Variants in ADAP2 observed in about 807,000 individuals in gnomAD.
The protein encoded by ADAP2 is arf-GAP with dual PH domain-containing protein 2.
Under a neutral mutation model 54.9 loss-of-function variants are expected in ADAP2, and 42 were observed. That is an observed-to-expected ratio of 0.77 (90% CI 0.60 to 0.99). The LOEUF (loss-of-function observed/expected upper bound fraction) is 0.99, where lower values mean the gene tolerates loss of function less well. Among genes scored for constraint, ADAP2 ranks in the 50% least tolerant of loss-of-function variants. ADAP2 has a pLI of 0.00. For missense variants in ADAP2, 429 were observed against 480.4 expected, an observed-to-expected ratio of 0.89 and a Z score of 1.00; for synonymous variants, 177 against 180.1, an observed-to-expected ratio of 0.98 and a Z score of 0.14.
intron 3 of ADAP2, among the ~76,000 whole-genome samples, chr17:30,928,941 C>A (rs1911281179): frequency 1.3e-5 from 2 of 152,176 alleles, no homozygotes; most frequent in Admixed American, 1.3e-4. Context: ...GTATGTCTGG[C>A]AAACAGAAAG....
At chr17:30,948,599 C>T (rs1904349579) in intron 6 of ADAP2, among the ~76,000 whole-genome samples, 1 of 152,046 alleles carries the variant, frequency 6.6e-6, no homozygotes, top group South Asian at 2.1e-4. Context: ...GAAAATCACT[C>T]AGGCTGCCAT....
At chr17:30,953,511 G>C (rs1254130933) in intron 8 of ADAP2, among the ~76,000 whole-genome samples, 161 bp downstream of exon 8, 1 of 152,172 alleles carries the variant, frequency 6.6e-6, no homozygotes, top group Non-Finnish European at 1.5e-5. Context: ...GGCTTGGAAT[G>C]ATGCCCAACA....
chr17:30,923,663 C>T (rs1310564940), intron 2 of ADAP2, among the ~76,000 whole-genome samples: 1 of 150,582 alleles, frequency 6.6e-6, no homozygotes, highest in African/African-American at 2.4e-5. Context: ...TCAAGGGATA[C>T]CACCACCATT....
intron 1 of ADAP2, 111 bp from the exon 2 acceptor site, chr17:30,922,829 T>G (rs1910737003): frequency 4.7e-6 from 6 of 1,280,666 alleles, no homozygotes; most frequent in Non-Finnish European, 6.5e-6. Context: ...GGCCGCTTAG[T>G]TCGCCTTAGG....
At chr17:30,922,210 G>C in intron 1 of ADAP2, 102 bp downstream of exon 1, 8 of 884,370 alleles carry the variant, frequency 9.0e-6, no homozygotes, top group Non-Finnish European at 1.2e-5. Flanking sequence ...CGGCCCCCTG[G>C]ACCCAGACGT....
intron 3 of ADAP2, among the ~76,000 whole-genome samples, chr17:30,930,160 C>A (rs1249631803): frequency 6.6e-6 from 1 of 151,994 alleles, no homozygotes; most frequent in African/African-American, 2.4e-5. Context: ...CAACCTCCAC[C>A]TCCTGGGTTC....
In ADAP2 at chr17:30,958,312, T is replaced by G. The variant is rs894063224; in HGVS notation, c.*443T>G. ...TCTGCTAAACATCTGACCCAGACTC[T>G]TCAAAAATGAAGAGTGAAAGATAAA... is the stretch of plus-strand genomic sequence containing the variant. On this transcript the variant is annotated 3_prime_UTR_variant, in exon 11 of 11. Transcript: ENST00000330889. The G allele has an allele frequency of 3.8e-5, 6 of 159,224 alleles. No individual in the cohort carries two copies. The South Asian group carries it at 8.7e-4, about 23-fold the overall frequency. 9.9% of individuals were successfully genotyped at this position (159,224 alleles called of 1,614,324 possible).
intron 6 of ADAP2, among the ~76,000 whole-genome samples, chr17:30,945,795 A>C (rs1912623408): frequency 6.7e-6 from 1 of 150,324 alleles, no homozygotes; most frequent in Non-Finnish European, 1.5e-5. Flanking sequence ...GAAAGAAAGA[A>C]AGAAAAATAG....
At position 30,958,049 on chromosome 17, in the gene ADAP2, A is replaced by G. The variant is rs1192254181; in HGVS notation, c.*180A>G. ...ATCAGCTCCCTGGGCCTTCCCCGCA[A>G]CCCACCTCGGGGATCTGAGGATCTG... On this transcript the variant is annotated 3_prime_UTR_variant, in exon 11 of 11. Transcript: ENST00000330889. The G allele has an allele frequency of 1.6e-6, 1 of 634,474 alleles. No individual in the cohort carries two copies. The highest frequency in any genetic ancestry group is 1.8e-5 in the African/African-American group (1 of 55,024). 39.3% of individuals were successfully genotyped at this position (634,474 alleles called of 1,614,324 possible). A position where few individuals can be genotyped will look rare whatever the true frequency, so the allele number is the denominator to read the frequency against.
At chr17:30,932,342 C>A (rs1265274444) in intron 4 of ADAP2, among the ~76,000 whole-genome samples, 1 of 151,588 alleles carries the variant, frequency 6.6e-6, no homozygotes, top group African/African-American at 2.4e-5. Context: ...ACATGATCCT[C>A]CCACCTCAGC....
At chr17:30,954,967 C>A (rs1202188526) in intron 9 of ADAP2, among the ~76,000 whole-genome samples, 3 of 152,070 alleles carry the variant, frequency 2.0e-5, no homozygotes, top group Admixed American at 1.3e-4. Context: ...GTGCTCTGTG[C>A]CTCGGTTTCC....
intron 2 of ADAP2, among the ~76,000 whole-genome samples, chr17:30,924,663 T>A (rs1229641974): frequency 1.3e-5 from 2 of 152,126 alleles, no homozygotes. Flanking sequence ...CCAGGTACTG[T>A]GCTAGACAGC....
intron 10 of ADAP2, 78 bp from the exon 11 acceptor site, chr17:30,957,757 G>A (rs949109623): frequency 7.0e-7 from 1 of 1,431,638 alleles, no homozygotes; most frequent in South Asian, 1.2e-5. Context: ...TTGTACGCCT[G>A]TCCCTTTGCT....
At position 30,958,058 on chromosome 17, in the gene ADAP2, G is replaced by A. The variant is rs1168774622; in HGVS notation, c.*189G>A. Reference sequence around the variant, plus strand: ...CTGGGCCTTCCCCGCAACCCACCTCGGGGATCTGAGGATCTGGTGCATAGA... The same window carrying A: ...CTGGGCCTTCCCCGCAACCCACCTCAGGGATCTGAGGATCTGGTGCATAGA... On this transcript the variant is annotated 3_prime_UTR_variant, in exon 11 of 11. Coordinates refer to ENST00000330889, the MANE Select transcript of ADAP2 (RefSeq NM_018404.3). 3.2e-6 allele frequency: 2 copies of A among 622,328 alleles called. No homozygotes were observed. Among genetic ancestry groups the A allele is most frequent in the Non-Finnish European group, 5.8e-6 (2 of 343,672 alleles). The allele number at this position is 622,328 out of a possible 1,614,324, so 38.6% of individuals were successfully genotyped here.
intron 5 of ADAP2, among the ~76,000 whole-genome samples, chr17:30,937,350 TAGCTGGGACTAC>T (rs1471692920): frequency 6.6e-6 from 1 of 152,046 alleles, no homozygotes; most frequent in Non-Finnish European, 1.5e-5. Flanking sequence ...GCCTCCCCAG[TAGCTGGGACTAC>T]AGGCGTGCAC....
chr17:30,954,702 T>C (rs1904932582), intron 9 of ADAP2, 147 bp downstream of exon 9: 2 of 641,294 alleles, frequency 3.1e-6, no homozygotes, highest in Non-Finnish European at 5.4e-6. Context: ...CTACCCCTTG[T>C]TTTTGTTTCT....
intron 6 of ADAP2, among the ~76,000 whole-genome samples, chr17:30,948,443 G>T (rs565311559): frequency 4.0e-5 from 6 of 151,822 alleles, no homozygotes; most frequent in Non-Finnish European, 7.4e-5. Context: ...GGTGGTGGGC[G>T]CCTGTAGTCC....
chr17:30,949,256 G>A (rs1395937570), intron 6 of ADAP2, 31 bp from the exon 7 acceptor site: 3 of 1,569,480 alleles, frequency 1.9e-6, no homozygotes, highest in Admixed American at 1.7e-5. Flanking sequence ...TCTCACTGCT[G>A]TGTGTGTGTC....
intron 7 of ADAP2, among the ~76,000 whole-genome samples, chr17:30,951,434 C>T (rs572512188): frequency 1.3e-5 from 2 of 152,084 alleles, no homozygotes; most frequent in African/African-American, 2.4e-5. Context: ...ACAATTAAAG[C>T]CTAGTGAATG....
Sources: gnomAD v4.1 joint callset for allele counts (sites outside exome capture counted in the v4.1 genomes callset) on GRCh38, gnomAD v4.1.1 for gene constraint, MANE v1.5 for transcripts, NCBI Gene and HGNC (gene_info 2026-07-23, HGNC 2026-07-21) for gene names.